The following NIN variants were observed in gnomAD, a reference collection of about 807,000 sequenced individuals.
The protein encoded by NIN is glycogen synthase kinase 3 beta-interacting protein.
In NIN, 137 loss-of-function variants were observed where a neutral mutation model predicts 257.6. That is an observed-to-expected ratio of 0.53 (90% confidence interval 0.46 to 0.61). NIN has a LOEUF of 0.61. NIN is among the 20% of genes least tolerant of loss of function. NIN has a pLI of 0.00. For missense variants in NIN, 2,439 were observed against 2,501.2 expected (o/e 0.98, Z 0.53); for synonymous variants, 918 against 919.8 (o/e 1.00, Z 0.04).
At chr14:50,762,311 A>T (rs2042303894) in intron 15 of NIN, among the ~76,000 whole-genome samples, 1 of 152,138 alleles carries the variant, frequency 6.6e-6, no homozygotes, top group Admixed American at 6.5e-5. Context: ...CAAATACTGA[A>T]TGACGATGTG....
At chr14:50,822,163 T>C (rs549543989) in intron 2 of NIN, 86 bp from the exon 3 acceptor site, 1 of 911,660 alleles carries the variant, frequency 1.1e-6, no homozygotes, top group South Asian at 1.5e-5. Flanking sequence ...CCGTTCTCTG[T>C]ACCCCACCAG....
chr14:50,826,167 G>A (rs1035655063), intron 2 of NIN, among the ~76,000 whole-genome samples: 3 of 152,182 alleles, frequency 2.0e-5, no homozygotes, highest in Non-Finnish European at 4.4e-5. Context: ...CTTACTCAGA[G>A]ATTAAGAAAG....
chr14:50,823,087 G>C, intron 2 of NIN: 1 of 445,518 alleles, frequency 2.2e-6, no homozygotes, highest in Non-Finnish European at 4.4e-6. Context: ...GTCAATAACT[G>C]AGTCATTTTT....
chr14:50,759,069 TCTTA>T (rs1160342018), intron 17 of NIN, among the ~76,000 whole-genome samples: 5 of 152,242 alleles, frequency 3.3e-5, no homozygotes. Context: ...TGCTTTTGCT[TCTTA>T]CTTAACGAAG....
chr14:50,747,360 T>C (rs183225990), intron 22 of NIN, among the ~76,000 whole-genome samples: 1 of 152,314 alleles, frequency 6.6e-6, no homozygotes, highest in East Asian at 1.9e-4. Flanking sequence ...TAGACAAACA[T>C]ATGTTACTTT....
At chr14:50,830,173 C>T (rs892884040) in intron 2 of NIN, among the ~76,000 whole-genome samples, 7 of 152,246 alleles carry the variant, frequency 4.6e-5, no homozygotes, top group Non-Finnish European at 8.8e-5. Context: ...AACGGAACCA[C>T]CACCCCTTCT....
Position 50,751,808 on chromosome 14 carries a change from T to TGA in NIN, c.4950+708_4950+709dup, listed in dbSNP as rs146531543. 9.3e-3 allele frequency among the ~76,000 whole-genome samples: 1,414 copies of TGA among 152,310 alleles called. 18 individuals are homozygous for TGA. The highest frequency in any genetic ancestry group is 0.033 in the African/African-American group (1,357 of 41,578). On this transcript the variant is annotated intron_variant, in intron 21 of 30. Transcript: ENST00000530997. ...TCCCAAAGTGCTGGGATTACAGGTGTGAGACACCACGCCTGGCCCATTTTT... is the reference window on the plus strand; with the variant it reads ...TCCCAAAGTGCTGGGATTACAGGTGTGAGAGACACCACGCCTGGCCCATTTTT...
At position 50,756,889 on chromosome 14, in the gene NIN, G is replaced by A. The variant is rs1179597660; in HGVS notation, c.4141C>T (p.His1381Tyr). 1.3e-6 allele frequency: 2 copies of A among 1,554,534 alleles called. No homozygotes were observed. The highest frequency in any genetic ancestry group is 1.7e-6 in the Non-Finnish European group (2 of 1,148,092). The change falls in exon 18 of 31, where the codon CAT becomes TAT. Residue 1381 changes from histidine to tyrosine, a missense_variant. Transcript: ENST00000530997. ...TGCTTACATTCCTCTATGACATGAT[G>A]TACACTCCTAACCCTGGGCACACAC... ...EECVPRVRSV[H>Y]HVIEECKQEN...
intron 15 of NIN, 124 bp downstream of exon 15, chr14:50,763,702 A>G: frequency 1.6e-6 from 1 of 637,964 alleles, no homozygotes; most frequent in Non-Finnish European, 2.6e-6. Flanking sequence ...AGAAAAGAGT[A>G]TGGCCAAATT....
intron 4 of NIN, among the ~76,000 whole-genome samples, chr14:50,798,230 A>C (rs1200683667): frequency 6.6e-6 from 1 of 152,144 alleles, no homozygotes; most frequent in Admixed American, 6.5e-5. Flanking sequence ...CAAGATGCAG[A>C]TGTTTAATTA....
At chr14:50,762,482 T>TA (rs2042311664) in intron 15 of NIN, among the ~76,000 whole-genome samples, 2 of 152,160 alleles carry the variant, frequency 1.3e-5, no homozygotes, top group Admixed American at 1.3e-4. Flanking sequence ...TATCAGCTAT[T>TA]ATTGGCTAAA....
intron 20 of NIN, among the ~76,000 whole-genome samples, chr14:50,753,404 AG>A (rs113566215): frequency 6.6e-6 from 1 of 152,192 alleles, no homozygotes; most frequent in East Asian, 1.9e-4. Context: ...CCGTCTCAAA[AG>A]GAAAAAAGAC....
intron 27 of NIN, among the ~76,000 whole-genome samples, chr14:50,737,552 GATAA>G (rs972798476): frequency 2.1e-5 from 3 of 144,796 alleles, no homozygotes; most frequent in Non-Finnish European, 4.5e-5. Context: ...ATATTCGAGT[GATAA>G]ATATTTTGCC....
In NIN at chr14:50,828,165, A is replaced by ATTAATTTAG. The variant is rs2045550466; in HGVS notation, c.-22+2290_-22+2298dup. ...CACTTCTTAAGCCATATTGACTCAC[A>ATTAATTTAG]TTAATTTAGGATGCCTGAGGCTATG... is the stretch of plus-strand genomic sequence containing the variant. On this transcript the variant is annotated intron_variant, in intron 2 of 30. Coordinates refer to ENST00000530997, the MANE Select transcript of NIN (RefSeq NM_020921.4). 3.3e-5 allele frequency among the ~76,000 whole-genome samples: 5 copies of ATTAATTTAG among 152,020 alleles called. No individual in the cohort carries two copies. In the South Asian group the frequency reaches 1.0e-3, roughly 32 times the overall value.
intron 14 of NIN, 49 bp downstream of exon 14, chr14:50,766,257 GT>G: frequency 7.0e-7 from 1 of 1,437,454 alleles, no homozygotes; most frequent in Non-Finnish European, 9.8e-7. Context: ...GGAAGCTGGG[GT>G]CTGAACCCAG....
intron 2 of NIN, among the ~76,000 whole-genome samples, chr14:50,827,260 T>C (rs142384978): frequency 2.8e-4 from 42 of 152,314 alleles, no homozygotes; most frequent in African/African-American, 8.9e-4. Context: ...TACGAGTTTA[T>C]ATAGGAGAAT....
At position 50,748,052 on chromosome 14, in the gene NIN, C is replaced by T; in HGVS notation, c.5004G>A (p.Gln1668=). Residue 1668 remains glutamine (Q), a synonymous_variant, in exon 22 of 31, where the codon CAG becomes CAA. Transcript: ENST00000530997. ...LEAELSEVKI[Q]THIVQQENHL... ...GGTTTTCCTGTTGCACAATATGGGT[C>T]TGTATTTTAACTTCAGAGAGCTCCG... The T allele has an allele frequency of 6.2e-7, 1 of 1,614,038 alleles. No homozygotes were observed. Among genetic ancestry groups the T allele is most frequent in the African/African-American group, 1.3e-5 (1 of 75,034 alleles).
Position 50,756,813 on chromosome 14 carries a change from GC to G in NIN, c.4216del (p.Ala1406HisfsTer33). On this transcript the variant is annotated frameshift_variant, in exon 18 of 31. Coordinates refer to ENST00000530997, the MANE Select transcript of NIN (RefSeq NM_020921.4). LOFTEE classifies it high-confidence loss of function. The part of the protein sequence containing the change: ...GNTQLLEKVK[A>X]HEIAWLHGTI... ...TCCATGTAACCAGGCAATTTCATGT[GC>G]TTTTACTTTTTCCAAGAGCTGTGTG... 6.4e-7 allele frequency: 1 copy of G among 1,551,650 alleles called. No homozygotes were observed. Among genetic ancestry groups the G allele is most frequent in the South Asian group, 1.2e-5 (1 of 84,070 alleles).
intron 27 of NIN, 50 bp downstream of exon 27, chr14:50,738,090 C>T (rs766112389): frequency 5.1e-6 from 8 of 1,573,800 alleles, no homozygotes; most frequent in Admixed American, 3.5e-5. Context: ...CACTTAAGAA[C>T]GCATTATAGT....
Sources: allele counts gnomAD v4.1 joint callset (sites outside exome capture counted in the v4.1 genomes callset), GRCh38; gene constraint gnomAD v4.1.1; transcripts MANE v1.5; gene names NCBI Gene and HGNC (gene_info 2026-07-23, HGNC 2026-07-21).